CHD9: variants seen among roughly 807,000 people sequenced by gnomAD.
CHD9 encodes chromodomain helicase DNA binding protein 9.
CHD9 carries 77 observed loss-of-function variants against 316.1 expected under a neutral mutation model. The observed-to-expected ratio is 0.24, with a 90% confidence interval of 0.20 to 0.29. The LOEUF is 0.29. CHD9 is among the 10% of genes least tolerant of loss of function. The probability of loss-of-function intolerance (pLI) is 1.00; values close to 1 mark genes in which losing one functional copy is unlikely to be tolerated. For synonymous variants in CHD9, 1,129 were observed against 1,158.3 expected (o/e 0.97, Z 0.51); for missense variants, 2,763 against 3,438.1 (o/e 0.80, Z 4.91).
intron 12 of CHD9, among the ~76,000 whole-genome samples, chr16:53,241,664 C>T (rs2049106527): frequency 6.6e-6 from 1 of 152,216 alleles, no homozygotes; most frequent in African/African-American, 2.4e-5. Flanking sequence ...CCTCCTCTAT[C>T]TCACTCCATA....
rs567648362 is a variant in CHD9 at position 53,324,263 on chromosome 16, A to G, written c.8062A>G (p.Thr2688Ala). 386 of 1,614,024 alleles carry G rather than the reference A, an allele frequency of 2.4e-4. 6 individuals are homozygous for G. In the South Asian group the frequency reaches 4.1e-3, roughly 17 times the overall value. ...NLQNLQSLQV[T>A]AGLMGMPTGL... Reference sequence around the variant, plus strand: ...ACAAAACTTGCAGTCACTGCAAGTAACTGCTGGGTTGATGGGAATGCCTAC... The same window carrying G: ...ACAAAACTTGCAGTCACTGCAAGTAGCTGCTGGGTTGATGGGAATGCCTAC... The change falls in exon 39 of 39, where the codon ACT becomes GCT. Residue 2688 changes from threonine (T) to alanine (A), a missense_variant. Coordinates refer to ENST00000447540, the MANE Select transcript of CHD9 (RefSeq NM_001308319.2).
chr16:53,079,196 G>T (rs1030888508), intron 1 of CHD9, among the ~76,000 whole-genome samples: 2 of 152,110 alleles, frequency 1.3e-5, no homozygotes, highest in African/African-American at 2.4e-5. Flanking sequence ...TCCATCTTTG[G>T]TGGCAAAACT....
chr16:53,213,663 A>G (rs1266253888), intron 3 of CHD9, among the ~76,000 whole-genome samples: 1 of 152,184 alleles, frequency 6.6e-6, no homozygotes, highest in Non-Finnish European at 1.5e-5. Flanking sequence ...GAATTTTCTT[A>G]TGGCCCTGTT....
chr16:53,065,361 C>T (rs905506039), intron 1 of CHD9, among the ~76,000 whole-genome samples: 10 of 151,740 alleles, frequency 6.6e-5, no homozygotes, highest in African/African-American at 1.7e-4. Context: ...TGGCCCTGTG[C>T]GGTGGCTCAT....
At chr16:53,272,770 G>A (rs1219364539) in intron 22 of CHD9, among the ~76,000 whole-genome samples, 1 of 152,088 alleles carries the variant, frequency 6.6e-6, no homozygotes, top group Non-Finnish European at 1.5e-5. Flanking sequence ...GCATGGAATG[G>A]AAAAACAAAT....
chr16:53,199,361 T>C (rs899368224), intron 2 of CHD9, among the ~76,000 whole-genome samples: 1 of 152,324 alleles, frequency 6.6e-6, no homozygotes, highest in East Asian at 1.9e-4. Context: ...CCCTGATTCA[T>C]TTAGCATATA....
In CHD9 at chr16:53,255,748, A is replaced by G. The variant is rs372903264; in HGVS notation, c.4178A>G (p.Glu1393Gly). The stretch of plus-strand genomic sequence containing the variant: ...CGTCGTACAAAAACTATTACAATTG[A>G]ATCAGAAGGACGTGGGTCAACATTT... ...LLRRTKTITI[E>G]SEGRGSTFAK... Residue 1393 changes from glutamate (E) to glycine (G), a missense_variant, in exon 19 of 39, where the codon GAA (glutamate) becomes GGA (glycine). Transcript: ENST00000447540. 262 of 1,613,744 alleles carry G rather than the reference A, an allele frequency of 1.6e-4. No homozygotes were observed. The highest frequency in any genetic ancestry group is 2.2e-4 in the Non-Finnish European group (261 of 1,179,818).
Position 53,209,728 on chromosome 16 carries a change from G to C in CHD9, c.1699G>C (p.Gly567Arg), listed in dbSNP as rs202112001. The change falls in exon 3 of 39, where the codon GGT becomes CGT. Residue 567 changes from glycine to arginine, a missense_variant. Physicochemically the swap from Gly to Arg is moderately radical, Grantham distance 125. Transcript: ENST00000447540. ...AGTTGAAGGAAAAGAGGAAAAGAAA[G>C]GTAGAAGGATGAAATCCAAGCCAAA... is the stretch of plus-strand genomic sequence containing the variant. ...ASVEGKEEKK[G>R]RRMKSKPKDK... The C allele has an allele frequency of 1.2e-6, 2 of 1,613,356 alleles. No homozygotes were observed. Among genetic ancestry groups the C allele is most frequent in the Admixed American group, 1.7e-5 (1 of 59,972 alleles).
intron 1 of CHD9, among the ~76,000 whole-genome samples, chr16:53,061,711 T>A (rs2032928114): frequency 6.6e-6 from 1 of 152,174 alleles, no homozygotes; most frequent in Non-Finnish European, 1.5e-5. Context: ...TTGAGGGTTG[T>A]CTTGCTAACT....
chr16:53,128,341 C>T (rs2039067983), intron 1 of CHD9, among the ~76,000 whole-genome samples: 1 of 152,206 alleles, frequency 6.6e-6, no homozygotes, highest in Non-Finnish European at 1.5e-5. Flanking sequence ...CGCCACCTAG[C>T]CCAGCTAATG....
At chr16:53,256,317 A>G (rs960482484) in intron 19 of CHD9, among the ~76,000 whole-genome samples, 1 of 149,780 alleles carries the variant, frequency 6.7e-6, no homozygotes, top group East Asian at 2.0e-4. Context: ...TAATAACTCT[A>G]TACTCTGTTA....
rs1192937290 is a variant in CHD9 at position 53,304,108 on chromosome 16, C to G, written c.6102C>G (p.Leu2034=). The G allele has an allele frequency of 6.2e-7, 1 of 1,613,732 alleles. No individual in the cohort carries two copies. The highest frequency in any genetic ancestry group is 1.3e-5 in the African/African-American group (1 of 74,874). The change falls in exon 31 of 39, where the codon CTC becomes CTG. Residue 2034 remains leucine (L), a synonymous_variant. Coordinates refer to ENST00000447540, the MANE Select transcript of CHD9 (RefSeq NM_001308319.2). The part of the protein sequence containing the change: ...SASPLTSLPR[L]LDAKGIILEE... ...CTCCTCTTACCTCTCTACCTAGGCT[C>G]CTAGATGCTAAAGGTATTATTCTAG...
intron 2 of CHD9, among the ~76,000 whole-genome samples, chr16:53,171,817 AAAAC>A (rs1379875113): frequency 6.1e-5 from 9 of 148,724 alleles, no homozygotes; most frequent in Admixed American, 2.7e-4. Flanking sequence ...ACCCTATCTC[AAAAC>A]AAACAAAACC....
chr16:53,261,109 AGG>A (rs398029402), intron 19 of CHD9, among the ~76,000 whole-genome samples: 4 of 151,242 alleles, frequency 2.6e-5, no homozygotes, highest in Non-Finnish European at 5.9e-5. Context: ...AAAAAAAAAA[AGG>A]GAATTTAAAT....
chr16:53,234,108 C>T (rs2048410322), intron 10 of CHD9, among the ~76,000 whole-genome samples: 1 of 152,004 alleles, frequency 6.6e-6, no homozygotes. Flanking sequence ...CCATGAATAT[C>T]AAAAGTTATT....
intron 24 of CHD9, among the ~76,000 whole-genome samples, chr16:53,284,251 T>A (rs2053662119): frequency 6.6e-6 from 1 of 152,118 alleles, no homozygotes; most frequent in African/African-American, 2.4e-5. Flanking sequence ...TGATAATTTA[T>A]GAATACCAAA....
At chr16:53,187,662 G>A (rs964832351) in intron 2 of CHD9, among the ~76,000 whole-genome samples, 2 of 152,042 alleles carry the variant, frequency 1.3e-5, no homozygotes, top group Admixed American at 1.3e-4. Context: ...CATAGAAACA[G>A]GTTTCAGAAA....
At chr16:53,169,947 CTGT>C (rs993506777) in intron 2 of CHD9, among the ~76,000 whole-genome samples, 1 of 152,028 alleles carries the variant, frequency 6.6e-6, no homozygotes, top group African/African-American at 2.4e-5. Flanking sequence ...CCTGTCCTTT[CTGT>C]TGTTCCATCC....
intron 22 of CHD9, among the ~76,000 whole-genome samples, chr16:53,270,161 ATTTT>A (rs757513307): frequency 8.4e-6 from 1 of 118,606 alleles, no homozygotes; most frequent in African/African-American, 3.2e-5. Context: ...CACCTGGCTA[ATTTT>A]TTTTTTTTTT....
Sources: gnomAD v4.1 joint callset for allele counts (sites outside exome capture counted in the v4.1 genomes callset) on GRCh38, gnomAD v4.1.1 for gene constraint, MANE v1.5 for transcripts, NCBI Gene and HGNC (gene_info 2026-07-23, HGNC 2026-07-21) for gene names.